The following SLC19A1 variants were observed in gnomAD, a reference collection of about 807,000 sequenced individuals.
SLC19A1 encodes reduced folate transporter.
In SLC19A1, 37 loss-of-function variants were observed where a neutral mutation model predicts 35.3. The ratio of observed to expected loss-of-function variants is 1.05; its 90% CI spans 0.81 to 1.38. SLC19A1 has a LOEUF of 1.38. SLC19A1 is among the 40% of genes most tolerant of loss of function. SLC19A1 has a pLI of 0.00. For synonymous variants in SLC19A1, 460 were observed against 398.5 expected (o/e 1.15, Z -1.84); for missense variants, 831 against 826.9 (o/e 1.00, Z -0.06).
chr21:45,541,403 GGCC>G (rs2078299071), intron 1 of SLC19A1, among the ~76,000 whole-genome samples: 1 of 152,222 alleles, frequency 6.6e-6, no homozygotes, highest in African/African-American at 2.4e-5. Context: ...CGTAGGGGGA[GGCC>G]ACCTCTTTAC....
intron 1 of SLC19A1, among the ~76,000 whole-genome samples, chr21:45,557,313 G>A (rs2078573131): frequency 6.6e-6 from 1 of 152,216 alleles, no homozygotes; most frequent in African/African-American, 2.4e-5. Context: ...TTGGCCTCGT[G>A]ACACCCTGGA....
At chr21:45,506,752 T>TCCCACCTTCCTTCTAGCACG (rs373283750) in intron 3 of SLC19A1, 687 of 28,904 alleles carry the variant, frequency 0.024, 8 homozygotes, top group East Asian at 0.14. Flanking sequence ...TCTAGAGCCC[T>TCCCACCTTCCTTCTAGCACG]CCCACCTTCC....
rs758482618 is a variant in SLC19A1 at position 45,505,976 on chromosome 21, C to CT, written c.498-7365dup. ...GTTCCGGAAGGTCCAGGTGAGCGCT[C>CT]TGTGTGACGGGTTCTGGACCCGTGG... On this transcript the variant is annotated intron_variant, in intron 3 of 4. Transcript: ENST00000417954. 1 of 1,613,042 alleles carries CT rather than the reference C, an allele frequency of 6.2e-7. No individual in the cohort carries two copies. The highest frequency in any genetic ancestry group is 1.3e-5 in the African/African-American group (1 of 75,064).
chr21:45,505,197 A>G (rs2037119096), intron 3 of SLC19A1: 1 of 1,603,828 alleles, frequency 6.2e-7, no homozygotes, highest in East Asian at 2.2e-5. Flanking sequence ...ACCCCCCGGC[A>G]TCGGCTACGA....
chr21:45,510,287 C>T (rs771885473), downstream of SLC19A1: 31 of 1,570,058 alleles, frequency 2.0e-5, no homozygotes, highest in Middle Eastern at 1.7e-4. Context: ...CCTGAGGGCG[C>T]GGGCTCCTCG....
intron 3 of SLC19A1, chr21:45,504,384 G>C: frequency 6.2e-7 from 1 of 1,604,350 alleles, no homozygotes. Flanking sequence ...AGGGGTTCAG[G>C]GCTCCCGTGT....
At chr21:45,505,895 G>C in intron 3 of SLC19A1, 3 of 1,612,970 alleles carry the variant, frequency 1.9e-6, no homozygotes, top group Non-Finnish European at 8.5e-7. Flanking sequence ...GGTTCCCGAG[G>C]GCTGGCTCAT....
intron 4 of SLC19A1, among the ~76,000 whole-genome samples, chr21:45,526,623 G>A (rs1006619616): frequency 3.3e-5 from 5 of 152,152 alleles, no homozygotes; most frequent in Non-Finnish European, 5.9e-5. Flanking sequence ...TTGCCCAGGC[G>A]TGCAATGGCA....
Position 45,530,667 on chromosome 21 carries a change from C to T in SLC19A1, c.1151+103G>A. ...AGGTGGCTGGCGGGGCCAGCAGTGGCACAGCCGCTGGGGCGCAGCAGGAAG... is the reference window on the plus strand; with the variant it reads ...AGGTGGCTGGCGGGGCCAGCAGTGGTACAGCCGCTGGGGCGCAGCAGGAAG... On this transcript the variant is annotated intron_variant, in intron 4 of 5. Transcript: ENST00000311124. This position sits in a 1 kb window ranked among gnomAD's most constrained non-coding sequence, Gnocchi z 5.3. 2 of 1,269,696 alleles carry T rather than the reference C, an allele frequency of 1.6e-6. No individual in the cohort carries two copies. Among genetic ancestry groups the T allele is most frequent in the Non-Finnish European group, 2.2e-6 (2 of 921,314 alleles). The allele number at this position is 1,269,696 out of a possible 1,614,324, so 78.7% of individuals were successfully genotyped here.
chr21:45,509,609 C>T (rs1301558543), downstream of SLC19A1: 1 of 446,036 alleles, frequency 2.2e-6, no homozygotes, highest in East Asian at 1.6e-4. Context: ...GTGGTGAGTG[C>T]CCCCCCAAAG....
At position 45,512,925 on chromosome 21, in the gene SLC19A1, G is replaced by T. The variant is rs1327030018; in HGVS notation, c.*2733C>A. 2.1e-5 allele frequency: 4 copies of T among 192,746 alleles called. No individual in the cohort carries two copies. The highest frequency in any genetic ancestry group is 4.4e-5 in the Non-Finnish European group (4 of 91,464). 11.9% of individuals were successfully genotyped at this position (192,746 alleles called of 1,614,324 possible). ...TGCGGTAGATGGGAGGGAGGCTCAG[G>T]TCCCTGGGGCTAGGGGGAGCCCCTT... On this transcript the variant is annotated 3_prime_UTR_variant, in exon 6 of 6. Coordinates refer to ENST00000311124, the MANE Select transcript of SLC19A1 (RefSeq NM_194255.4).
intron 5 of SLC19A1, among the ~76,000 whole-genome samples, chr21:45,522,794 C>A (rs146867872): frequency 2.0e-5 from 3 of 152,008 alleles, no homozygotes; most frequent in Non-Finnish European, 4.4e-5. Flanking sequence ...CTCATACAAG[C>A]GGAGAAGAGG....
intron 5 of SLC19A1, among the ~76,000 whole-genome samples, chr21:45,522,015 G>GT (rs2077453148): frequency 6.6e-6 from 1 of 151,752 alleles, no homozygotes; most frequent in African/African-American, 2.4e-5. Context: ...TTCTGTAAAA[G>GT]ACCACATTAA....
chr21:45,538,414 C>T (rs2078203884), intron 1 of SLC19A1, among the ~76,000 whole-genome samples: 1 of 152,238 alleles, frequency 6.6e-6, no homozygotes, highest in Non-Finnish European at 1.5e-5. Context: ...ACACCTCACC[C>T]CACAGGCCTG....
intron 1 of SLC19A1, 145 bp from the exon 2 acceptor site, chr21:45,538,153 AC>A: frequency 2.1e-6 from 1 of 469,768 alleles, no homozygotes; most frequent in African/African-American, 2.0e-5. Flanking sequence ...ACCCATCCTC[AC>A]CCCGTAGCAC....
downstream of SLC19A1, chr21:45,512,325 A>G (rs1159298742): frequency 3.7e-6 from 6 of 1,612,454 alleles, no homozygotes; most frequent in Non-Finnish European, 5.1e-6. Flanking sequence ...CTCCTGGGGC[A>G]GAGTGCCGCG....
chr21:45,518,284 G>A (rs2038067059), intron 5 of SLC19A1, among the ~76,000 whole-genome samples: 1 of 152,064 alleles, frequency 6.6e-6, no homozygotes, highest in Non-Finnish European at 1.5e-5. Flanking sequence ...ATGAACTGGA[G>A]GTAGAACAAT....
Position 45,534,225 on chromosome 21 carries a change from C to T in SLC19A1, c.190-2077G>A, listed in dbSNP as rs907089390. 6.6e-6 allele frequency among the ~76,000 whole-genome samples: 1 copy of T among 152,188 alleles called. No individual in the cohort carries two copies. Among genetic ancestry groups the T allele is most frequent in the African/African-American group, 2.4e-5 (1 of 41,458 alleles). On this transcript the variant is annotated intron_variant, in intron 2 of 5. Transcript: ENST00000311124. This position sits in a 1 kb window ranked among gnomAD's most constrained non-coding sequence, Gnocchi z 4.2. ...CAATGTCCTGGGGACATCAAACAGC[C>T]CCTCTGTGGGCAAGCTCTCCTGGCT...
At position 45,537,992 on chromosome 21, in the gene SLC19A1, C is replaced by G; in HGVS notation, c.-33G>C. On this transcript the variant is annotated 5_prime_UTR_variant, in exon 2 of 6. Transcript: ENST00000311124. The stretch of plus-strand genomic sequence containing the variant: ...AGGCCACGTGCAGCTCCGGAGGGGA[C>G]GAAGGTGACGCTGTGCCTGGAAGGA... The G allele has an allele frequency of 6.8e-7, 1 of 1,463,760 alleles. No individual in the cohort carries two copies. Among genetic ancestry groups the G allele is most frequent in the South Asian group, 1.3e-5 (1 of 75,256 alleles). The allele number at this position is 1,463,760 out of a possible 1,614,324, so 90.7% of individuals were successfully genotyped here. A position where few individuals can be genotyped will look rare whatever the true frequency, so the allele number is the denominator to read the frequency against.
Sources: allele counts gnomAD v4.1 joint callset (sites outside exome capture counted in the v4.1 genomes callset), GRCh38; gene constraint gnomAD v4.1.1; non-coding constraint Gnocchi (gnomAD v3.1); transcripts MANE v1.5; gene names NCBI Gene and HGNC (gene_info 2026-07-23, HGNC 2026-07-21).